The following ADAMTSL3 variants were observed in gnomAD, a reference collection of about 807,000 sequenced individuals.
The protein encoded by ADAMTSL3 is ADAMTS-like protein 3.
ADAMTSL3 carries 128 observed loss-of-function variants against 201.7 expected under a neutral mutation model. That is an observed-to-expected ratio of 0.63 (90% CI 0.55 to 0.73). The LOEUF is 0.73. Ranked by LOEUF, ADAMTSL3 falls within the 30% of genes least tolerant of loss-of-function variation. The probability of loss-of-function intolerance (pLI) is 0.00; values close to 1 mark genes in which losing one functional copy is unlikely to be tolerated. For missense variants in ADAMTSL3, 1,990 were observed against 2,119.6 expected (o/e 0.94, Z 1.20); for synonymous variants, 738 against 748.4 (o/e 0.99, Z 0.23).
At chr15:83,943,809 T>A (rs951638957) in intron 19 of ADAMTSL3, among the ~76,000 whole-genome samples, 1 of 152,340 alleles carries the variant, frequency 6.6e-6, no homozygotes, top group Non-Finnish European at 1.5e-5. Flanking sequence ...TTCCCATCAC[T>A]GTGTCCATCA....
chr15:83,971,115 C>A (rs1280165628), intron 20 of ADAMTSL3, among the ~76,000 whole-genome samples: 1 of 152,062 alleles, frequency 6.6e-6, no homozygotes. Flanking sequence ...AGTTTGTACA[C>A]CTCAATTAAT....
chr15:83,684,972 A>C (rs1307876171), intron 2 of ADAMTSL3, among the ~76,000 whole-genome samples: 1 of 152,222 alleles, frequency 6.6e-6, no homozygotes, highest in Non-Finnish European at 1.5e-5. Flanking sequence ...AACAATTAAG[A>C]ATCCTAGTTG....
chr15:83,776,241 C>T (rs925734265), intron 4 of ADAMTSL3, among the ~76,000 whole-genome samples: 24 of 152,166 alleles, frequency 1.6e-4, no homozygotes, highest in African/African-American at 5.8e-4. Flanking sequence ...TCACAGCACA[C>T]CTTTCTCAAT....
chr15:83,814,260 C>A (rs1038243307), intron 5 of ADAMTSL3, among the ~76,000 whole-genome samples: 8 of 152,154 alleles, frequency 5.3e-5, no homozygotes, highest in African/African-American at 1.9e-4. Flanking sequence ...GAGTCACCCC[C>A]TCTCATGTCT....
At chr15:83,981,463 G>A (rs1297173858) in intron 20 of ADAMTSL3, among the ~76,000 whole-genome samples, 1 of 152,206 alleles carries the variant, frequency 6.6e-6, no homozygotes, top group African/African-American at 2.4e-5. Flanking sequence ...CTACTGTGCT[G>A]TGCACTTGAT....
chr15:83,770,248 A>T (rs1220837201), intron 3 of ADAMTSL3, among the ~76,000 whole-genome samples: 2 of 152,252 alleles, frequency 1.3e-5, no homozygotes, highest in Non-Finnish European at 2.9e-5. Context: ...TATTTTTAAA[A>T]TAGAAATTTC....
chr15:83,787,319 A>C (rs1282096085), intron 4 of ADAMTSL3, among the ~76,000 whole-genome samples: 2 of 152,196 alleles, frequency 1.3e-5, no homozygotes, highest in Admixed American at 1.3e-4. Context: ...TGCTGTGCCC[A>C]CATGATTATT....
intron 20 of ADAMTSL3, among the ~76,000 whole-genome samples, chr15:83,973,796 C>T (rs1388478118): frequency 1.3e-5 from 2 of 152,172 alleles, no homozygotes. Flanking sequence ...TCTACTCCAT[C>T]CATTATGGAA....
rs2065108598 is a variant in ADAMTSL3, at chr15:83,872,872, TAC to T, written c.960+1920_960+1921del. Among the ~76,000 whole-genome samples the T allele has an allele frequency of 2.1e-5, 3 of 145,820 alleles. 1 individual carries two copies. ...CTGCATATTTCTATGAGTTTGTATGTACACACACGTATATGTATATGTATATT... is the reference window on the plus strand; with the variant it reads ...CTGCATATTTCTATGAGTTTGTATGTACACACGTATATGTATATGTATATT... On this transcript the variant is annotated intron_variant, in intron 9 of 29. Coordinates refer to ENST00000286744, the MANE Select transcript of ADAMTSL3 (RefSeq NM_207517.3).
At chr15:83,992,885 G>T (rs1335686215) in intron 23 of ADAMTSL3, among the ~76,000 whole-genome samples, 1 of 152,188 alleles carries the variant, frequency 6.6e-6, no homozygotes, top group Non-Finnish European at 1.5e-5. Flanking sequence ...CAGCACTGCT[G>T]CCTAGATGGA....
chr15:83,687,084 G>T (rs1025759612), intron 2 of ADAMTSL3, among the ~76,000 whole-genome samples: 1 of 152,056 alleles, frequency 6.6e-6, no homozygotes, highest in Non-Finnish European at 1.5e-5. Context: ...AGGTCCTGTT[G>T]TCCTGGCTAC....
chr15:83,773,828 C>T (rs777585243), intron 4 of ADAMTSL3, among the ~76,000 whole-genome samples, 178 bp downstream of exon 4: 2 of 152,160 alleles, frequency 1.3e-5, no homozygotes, highest in South Asian at 2.1e-4. Context: ...GTCCCGTTTT[C>T]GTGGGTGTGG....
chr15:83,823,270 G>A (rs144290358), intron 6 of ADAMTSL3, among the ~76,000 whole-genome samples: 64 of 151,668 alleles, frequency 4.2e-4, no homozygotes, highest in African/African-American at 1.5e-3. Context: ...AATAATGAAT[G>A]TGTCTAGTAT....
intron 3 of ADAMTSL3, among the ~76,000 whole-genome samples, chr15:83,727,070 A>C (rs1460807255): frequency 6.6e-6 from 1 of 151,858 alleles, no homozygotes; most frequent in African/African-American, 2.4e-5. Flanking sequence ...CAATCACATT[A>C]CTTGTTATTG....
intron 20 of ADAMTSL3, 75 bp from the exon 21 acceptor site, chr15:83,982,198 G>T (rs1205614467): frequency 8.4e-7 from 1 of 1,184,786 alleles, no homozygotes; most frequent in Non-Finnish European, 1.2e-6. Context: ...AGCCTTGAAA[G>T]ATTACTGTCA....
At chr15:83,896,603 AG>A (rs1567221291) in intron 13 of ADAMTSL3, among the ~76,000 whole-genome samples, 1 of 152,140 alleles carries the variant, frequency 6.6e-6, no homozygotes, top group African/African-American at 2.4e-5. Flanking sequence ...GGAAAATCAT[AG>A]GGGGAAAAAG....
At chr15:84,016,335 A>G in intron 24 of ADAMTSL3, 48 bp from the exon 25 acceptor site, 1 of 1,469,264 alleles carries the variant, frequency 6.8e-7, no homozygotes, top group Non-Finnish European at 9.5e-7. Flanking sequence ...TGGACCAATA[A>G]TTAGATAATG....
At chr15:84,023,630 T>C (rs1415086195) in intron 26 of ADAMTSL3, among the ~76,000 whole-genome samples, 1 of 152,224 alleles carries the variant, frequency 6.6e-6, no homozygotes, top group Non-Finnish European at 1.5e-5. Flanking sequence ...GAAAGCTGTT[T>C]TATGGCATTT....
intron 7 of ADAMTSL3, among the ~76,000 whole-genome samples, chr15:83,852,022 A>G (rs942957181): frequency 3.9e-5 from 6 of 152,142 alleles, no homozygotes; most frequent in African/African-American, 1.4e-4. Flanking sequence ...TGCTTTTGAG[A>G]AGTATACAGA....
Sources: gnomAD v4.1 joint callset for allele counts (sites outside exome capture counted in the v4.1 genomes callset) on GRCh38, gnomAD v4.1.1 for gene constraint, MANE v1.5 for transcripts, NCBI Gene and HGNC (gene_info 2026-07-23, HGNC 2026-07-21) for gene names.